Variants in ROR2 observed in about 807,000 individuals in gnomAD.
ROR2 encodes tyrosine-protein kinase transmembrane receptor ROR2.
Under a neutral mutation model 74.9 loss-of-function variants are expected in ROR2, and 33 were observed. The observed-to-expected ratio is 0.44, with a 90% CI of 0.33 to 0.59. The LOEUF is 0.59. Ranked by LOEUF, ROR2 falls within the 20% of genes least tolerant of loss-of-function variation. The probability of loss-of-function intolerance (pLI) is 0.02; values close to 1 mark genes in which losing one functional copy is unlikely to be tolerated. For missense variants in ROR2, 1,216 were observed against 1,313.8 expected (o/e 0.93, Z 1.15); for synonymous variants, 586 against 558.7 (o/e 1.05, Z -0.69).
At position 91,849,996 on chromosome 9, in the gene ROR2, A is replaced by ATTTCT. The variant is rs375019221; in HGVS notation, c.98-74183_98-74179dup. On this transcript the variant is annotated intron_variant, in intron 1 of 8. Transcript: ENST00000375708. ...TTCCAAAGCAATAAACACTTAAGTT[A>ATTTCT]TTTCTTTTTCTCCCACAAACAGCAT... 6.4e-3 allele frequency among the ~76,000 whole-genome samples: 974 copies of ATTTCT among 152,210 alleles called. 4 individuals are homozygous for ATTTCT. The highest frequency in any genetic ancestry group is 0.011 in the Non-Finnish European group (728 of 68,006).
intron 1 of ROR2, among the ~76,000 whole-genome samples, chr9:91,805,932 G>C (rs1483192624): frequency 6.6e-6 from 1 of 152,192 alleles, no homozygotes; most frequent in Non-Finnish European, 1.5e-5. Context: ...CCACTCCAGA[G>C]AAGTCCAAAG....
chr9:91,741,310 A>ATAATAG (rs1405423581), intron 4 of ROR2, among the ~76,000 whole-genome samples: 2 of 96,232 alleles, frequency 2.1e-5, no homozygotes, highest in Non-Finnish European at 4.4e-5. Context: ...AGTAGTAATA[A>ATAATAG]TAATAATAAT....
chr9:91,839,301 C>A (rs1828714808), intron 1 of ROR2, among the ~76,000 whole-genome samples: 1 of 131,280 alleles, frequency 7.6e-6, no homozygotes, highest in Admixed American at 7.4e-5. Context: ...TGTGTAAGTA[C>A]AGGCATGTGT....
intron 1 of ROR2, among the ~76,000 whole-genome samples, chr9:91,876,262 G>A (rs538799309): frequency 1.2e-4 from 18 of 152,110 alleles, no homozygotes; most frequent in Admixed American, 2.0e-4. Context: ...CCAGCTACTC[G>A]AGAGACTGAG....
At chr9:91,795,554 A>T (rs1174166332) in intron 1 of ROR2, among the ~76,000 whole-genome samples, 1 of 152,234 alleles carries the variant, frequency 6.6e-6, no homozygotes, top group African/African-American at 2.4e-5. Context: ...TCATATCACC[A>T]GACACTGCTT....
intron 1 of ROR2, among the ~76,000 whole-genome samples, chr9:91,794,951 G>C (rs1827121191): frequency 6.6e-6 from 1 of 151,542 alleles, no homozygotes; most frequent in South Asian, 2.1e-4. Context: ...GTGAAACCCA[G>C]TCTCTACTAA....
At chr9:91,781,798 G>C (rs1826627312) in intron 1 of ROR2, among the ~76,000 whole-genome samples, 1 of 152,208 alleles carries the variant, frequency 6.6e-6, no homozygotes, top group Non-Finnish European at 1.5e-5. Flanking sequence ...TCATCAACTT[G>C]AAAATGGAGT....
At chr9:91,853,318 G>C (rs1451047757) in intron 1 of ROR2, among the ~76,000 whole-genome samples, 1 of 152,196 alleles carries the variant, frequency 6.6e-6, no homozygotes, top group East Asian at 1.9e-4. Flanking sequence ...CTGTGAATAG[G>C]TAAGGTGGCC....
At chr9:91,742,752 T>C (rs942462688) in intron 4 of ROR2, among the ~76,000 whole-genome samples, 1 of 152,226 alleles carries the variant, frequency 6.6e-6, no homozygotes, top group Admixed American at 6.5e-5. Flanking sequence ...TCTACAGTAG[T>C]GTACAGTAAT....
chr9:91,915,643 G>A (rs1831108789), intron 1 of ROR2, among the ~76,000 whole-genome samples: 1 of 151,726 alleles, frequency 6.6e-6, no homozygotes, highest in South Asian at 2.1e-4. Context: ...CTGTCTTGGG[G>A]GAGGTGGGGG....
At chr9:91,743,010 G>A (rs1587676513) in intron 4 of ROR2, among the ~76,000 whole-genome samples, 1 of 152,320 alleles carries the variant, frequency 6.6e-6, no homozygotes, top group East Asian at 1.9e-4. Context: ...GCAACAGGCT[G>A]TACCATATAG....
At chr9:91,892,583 T>G (rs543425461) in intron 1 of ROR2, among the ~76,000 whole-genome samples, 57 of 139,302 alleles carry the variant, frequency 4.1e-4, no homozygotes, top group African/African-American at 1.6e-3. Flanking sequence ...TCTTTTTCTT[T>G]TCTTTTCTTT....
intron 4 of ROR2, among the ~76,000 whole-genome samples, chr9:91,739,455 G>A (rs939409999): frequency 2.7e-5 from 4 of 147,994 alleles, no homozygotes; most frequent in African/African-American, 5.0e-5. Context: ...GCAGTGAGCC[G>A]AGATCAAACT....
intron 1 of ROR2, among the ~76,000 whole-genome samples, chr9:91,821,193 C>T (rs1203516054): frequency 6.6e-6 from 1 of 152,102 alleles, no homozygotes; most frequent in African/African-American, 2.4e-5. Flanking sequence ...ATCTGCAATC[C>T]ATGGAGAGGC....
chr9:91,786,173 A>AC (rs1041513947), intron 1 of ROR2, among the ~76,000 whole-genome samples: 1 of 149,812 alleles, frequency 6.7e-6, no homozygotes, highest in Non-Finnish European at 1.5e-5. Flanking sequence ...AAAAAAAAAA[A>AC]AAAAAAAGCC....
intron 1 of ROR2, among the ~76,000 whole-genome samples, chr9:91,936,210 A>G (rs1831682594): frequency 6.6e-6 from 1 of 152,218 alleles, no homozygotes; most frequent in Non-Finnish European, 1.5e-5. Context: ...ACAGGCACTT[A>G]TGGGTGGATG....
intron 2 of ROR2, among the ~76,000 whole-genome samples, chr9:91,759,308 C>T (rs1825846355): frequency 6.6e-6 from 1 of 152,128 alleles, no homozygotes; most frequent in East Asian, 1.9e-4. Flanking sequence ...CATTAATGAG[C>T]AGAGACCACT....
chr9:91,898,816 T>A (rs1039808776), intron 1 of ROR2, among the ~76,000 whole-genome samples: 1 of 152,184 alleles, frequency 6.6e-6, no homozygotes, highest in Non-Finnish European at 1.5e-5. Flanking sequence ...GAGCAACACA[T>A]GATGGCAGGC....
At chr9:91,895,659 C>T (rs1341139802) in intron 1 of ROR2, among the ~76,000 whole-genome samples, 3 of 152,184 alleles carry the variant, frequency 2.0e-5, no homozygotes, top group Non-Finnish European at 4.4e-5. Context: ...GCCTGGCCAA[C>T]ATGGTGAAAC....
Sources: allele counts gnomAD v4.1 joint callset (sites outside exome capture counted in the v4.1 genomes callset), GRCh38; gene constraint gnomAD v4.1.1; transcripts MANE v1.5; gene names NCBI Gene and HGNC (gene_info 2026-07-23, HGNC 2026-07-21).